Variants in LINGO2 observed in about 807,000 individuals in gnomAD.
LINGO2 encodes leucine-rich repeat and immunoglobulin-like domain-containing nogo receptor-interacting protein 2.
Under a neutral mutation model 30.6 loss-of-function variants are expected in LINGO2, and 14 were observed. The observed-to-expected ratio is 0.46, with a 90% CI of 0.30 to 0.72. The LOEUF (loss-of-function observed/expected upper bound fraction) is 0.72. LINGO2 is among the 30% of genes least tolerant of loss of function. The pLI is 0.07. For missense variants in LINGO2, 729 were observed against 751.7 expected (o/e 0.97, Z 0.35); for synonymous variants, 317 against 288.5 (o/e 1.10, Z -1.00).
chr9:28,666,678 T>C (rs1228822739), intron 1 of LINGO2, among the ~76,000 whole-genome samples: 3 of 152,186 alleles, frequency 2.0e-5, no homozygotes, highest in African/African-American at 7.2e-5. Context: ...TTATCCTTTT[T>C]TTCACAGACT....
chr9:28,331,462 T>C (rs1825415779), intron 3 of LINGO2, among the ~76,000 whole-genome samples: 1 of 152,146 alleles, frequency 6.6e-6, no homozygotes, highest in Non-Finnish European at 1.5e-5. Flanking sequence ...GTACATTTTC[T>C]GATGCATATA....
intron 2 of LINGO2, among the ~76,000 whole-genome samples, chr9:28,430,109 C>CGCGTGCGTGT (rs569701444): frequency 7.3e-6 from 1 of 136,100 alleles, no homozygotes; most frequent in Non-Finnish European, 1.7e-5. Context: ...CGCGCGCGCG[C>CGCGTGCGTGT]GTGTGTGTGT....
intron 4 of LINGO2, among the ~76,000 whole-genome samples, chr9:28,037,142 A>G (rs1823976206): frequency 6.6e-6 from 1 of 152,204 alleles, no homozygotes; most frequent in Non-Finnish European, 1.5e-5. Flanking sequence ...AAACGGAAGT[A>G]TGGGTGGAAT....
chr9:28,642,525 A>G (rs982752711), intron 1 of LINGO2, among the ~76,000 whole-genome samples: 2 of 152,184 alleles, frequency 1.3e-5, no homozygotes, highest in Non-Finnish European at 2.9e-5. Context: ...AGTTATTTAG[A>G]TAATGATTAA....
intron 4 of LINGO2, among the ~76,000 whole-genome samples, chr9:28,278,237 A>T (rs1823198827): frequency 6.6e-6 from 1 of 152,232 alleles, no homozygotes; most frequent in Non-Finnish European, 1.5e-5. Context: ...TATAACACAA[A>T]AGTGCAAGAT....
chr9:28,743,337 C>T, the LINGO2 span, among the ~76,000 whole-genome samples: 1 of 151,786 alleles, frequency 6.6e-6, no homozygotes, highest in Admixed American at 6.6e-5. Context: ...CTCCCCTAGG[C>T]CCCCATCCCC....
chr9:29,035,839 A>T, the LINGO2 span, among the ~76,000 whole-genome samples: 1 of 152,038 alleles, frequency 6.6e-6, no homozygotes, highest in Non-Finnish European at 1.5e-5. Context: ...TTATCCCACA[A>T]GGAAATGGAA....
intron 5 of LINGO2, among the ~76,000 whole-genome samples, chr9:27,955,459 C>T (rs570106317): frequency 2.0e-5 from 3 of 152,250 alleles, no homozygotes; most frequent in South Asian, 2.1e-4. Context: ...ACCTCTTTTC[C>T]GTCTATCCCA....
chr9:28,903,923 TA>T, the LINGO2 span, among the ~76,000 whole-genome samples: 136,148 of 152,036 alleles, frequency 0.9, 61,240 homozygotes, highest in Non-Finnish European at 0.94. Flanking sequence ...TAAAAAAACT[TA>T]AGAGATTCCA....
At chr9:28,825,102 C>G in the LINGO2 span, among the ~76,000 whole-genome samples, 3 of 152,154 alleles carry the variant, frequency 2.0e-5, no homozygotes, top group South Asian at 6.2e-4. Flanking sequence ...GGTCCAACTC[C>G]TTCATTATCT....
At chr9:27,945,868 A>G (rs572108377), downstream of LINGO2, among the ~76,000 whole-genome samples, 7 of 152,232 alleles carry the variant, frequency 4.6e-5, no homozygotes, top group African/African-American at 1.7e-4. Context: ...CTCTTAATCC[A>G]TTGCTATGAT....
chr9:28,491,441 A>C (rs1826391276), intron 1 of LINGO2, among the ~76,000 whole-genome samples: 1 of 152,144 alleles, frequency 6.6e-6, no homozygotes. Context: ...ACACATGCAA[A>C]ATCTATGTTA....
chr9:28,060,794 T>C (rs1238635814), intron 4 of LINGO2, among the ~76,000 whole-genome samples: 2 of 152,102 alleles, frequency 1.3e-5, no homozygotes, highest in Non-Finnish European at 2.9e-5. Context: ...AAGACGGAAG[T>C]CCAAAAGGAA....
chr9:28,875,413 T>C, the LINGO2 span, among the ~76,000 whole-genome samples: 2 of 152,110 alleles, frequency 1.3e-5, no homozygotes, highest in South Asian at 2.1e-4. Context: ...CACTCTGGCA[T>C]GAATTTCTTA....
At chr9:28,361,969 G>A (rs1233226013) in intron 3 of LINGO2, among the ~76,000 whole-genome samples, 2 of 152,156 alleles carry the variant, frequency 1.3e-5, no homozygotes, top group East Asian at 1.9e-4. Flanking sequence ...TTACATCTAT[G>A]CCCGCTGCAC....
chr9:29,026,974 A>G, the LINGO2 span, among the ~76,000 whole-genome samples: 1 of 152,212 alleles, frequency 6.6e-6, no homozygotes, highest in South Asian at 2.1e-4. Context: ...ACAAACAAAC[A>G]AAACAAGAAT....
chr9:29,018,092 TA>T, the LINGO2 span, among the ~76,000 whole-genome samples: 1 of 16,038 alleles, frequency 6.2e-5, no homozygotes. Flanking sequence ...ATATACATTT[TA>T]TATATATATA....
the LINGO2 span, among the ~76,000 whole-genome samples, chr9:29,176,133 C>A: frequency 6.6e-6 from 1 of 152,142 alleles, no homozygotes. Flanking sequence ...TATCACATTT[C>A]ATATTCATAA....
chr9:28,448,866 T>C (rs1824531979), intron 2 of LINGO2, among the ~76,000 whole-genome samples: 1 of 151,878 alleles, frequency 6.6e-6, no homozygotes, highest in African/African-American at 2.4e-5. Flanking sequence ...TGTTAAGTTA[T>C]CCAGTTTGAC....
Sources: allele counts gnomAD v4.1 joint callset (sites outside exome capture counted in the v4.1 genomes callset), GRCh38; gene constraint gnomAD v4.1.1; transcripts MANE v1.5; gene names NCBI Gene and HGNC (gene_info 2026-07-23, HGNC 2026-07-21).